The following NKTR variants were observed in gnomAD, a reference collection of about 807,000 sequenced individuals.
NKTR encodes the protein NK-tumor recognition protein.
In NKTR, 67 loss-of-function variants were observed where a neutral mutation model predicts 156.3. That is an observed-to-expected ratio of 0.43 (90% CI 0.35 to 0.53). The LOEUF (loss-of-function observed/expected upper bound fraction) is 0.53. NKTR is among the 20% of genes least tolerant of loss of function. NKTR has a pLI of 0.01. For missense variants in NKTR, 1,604 were observed against 1,730.9 expected (o/e 0.93, Z 1.30); for synonymous variants, 640 against 596.6 (o/e 1.07, Z -1.06).
chr3:42,612,230 A>G (rs3774406), intron 2 of NKTR: 1 of 152,084 alleles, frequency 6.6e-6, no homozygotes, highest in Non-Finnish European at 1.5e-5. Context: ...GAATTTATCA[A>G]TATTTGCTTG....
chr3:42,609,126 A>G (rs1706525441), intron 2 of NKTR, among the ~76,000 whole-genome samples: 1 of 141,040 alleles, frequency 7.1e-6, no homozygotes, highest in Admixed American at 6.8e-5. Context: ...AGACTCATAT[A>G]TCAAAAAAAA....
intron 2 of NKTR, among the ~76,000 whole-genome samples, chr3:42,607,969 CTTTTT>C (rs201803926): frequency 6.7e-5 from 5 of 74,966 alleles, no homozygotes; most frequent in South Asian, 4.7e-4. Context: ...CTGAGTCGCT[CTTTTT>C]TTTTTTTTTT....
At chr3:42,601,151 CT>C in intron 2 of NKTR, 87 bp downstream of exon 2, 10 of 1,161,012 alleles carry the variant, frequency 8.6e-6, no homozygotes, top group Admixed American at 3.0e-5. Context: ...CTCCCCCGGC[CT>C]TTTTGGGAGC....
intron 5 of NKTR, 58 bp downstream of exon 5, chr3:42,619,766 T>A: frequency 6.3e-7 from 1 of 1,596,022 alleles, no homozygotes; most frequent in Non-Finnish European, 8.5e-7. Flanking sequence ...GCAAGTTTGA[T>A]CATATACTTT....
At chr3:42,630,795 A>G in intron 7 of NKTR, 4 of 1,355,688 alleles carry the variant, frequency 3.0e-6, no homozygotes, top group Non-Finnish European at 3.8e-6. Flanking sequence ...GCTTCTCAGC[A>G]ATATAATTCT....
chr3:42,639,215 C>T lies in NKTR; in HGVS notation c.3511C>T (p.Pro1171Ser), dbSNP rs776805755. 5 of 1,614,020 alleles carry T rather than the reference C, an allele frequency of 3.1e-6. No homozygotes were observed. The highest frequency in any genetic ancestry group is 2.7e-5 in the African/African-American group (2 of 74,902). The change falls in exon 13 of 17, where the codon CCT becomes TCT. Residue 1171 changes from proline (P) to serine (S), a missense_variant. Around this residue, in one of 6 missense-constraint regions of NKTR, gnomAD observed 1,255 missense variants for 1,243.7 expected, o/e 1.01. Coordinates refer to ENST00000232978, the MANE Select transcript of NKTR (RefSeq NM_005385.4). ...GAAGCAGGATATGGCAACGGAACATCCTCAAGCAGAGGTAGTAAAACAGGA... is the reference window on the plus strand; with the variant it reads ...GAAGCAGGATATGGCAACGGAACATTCTCAAGCAGAGGTAGTAAAACAGGA... ...VLKQDMATEHPQAEVVKQESS... is the reference protein window; with the variant it reads ...VLKQDMATEHSQAEVVKQESS...
intron 2 of NKTR, among the ~76,000 whole-genome samples, chr3:42,610,419 G>A (rs760507255): frequency 5.4e-4 from 82 of 152,162 alleles, no homozygotes; most frequent in Non-Finnish European, 9.3e-4. Flanking sequence ...CACCATTAAC[G>A]ATAATGCTGA....
At chr3:42,632,372 A>G (rs111568591) in intron 8 of NKTR, among the ~76,000 whole-genome samples, 20 of 152,154 alleles carry the variant, frequency 1.3e-4, no homozygotes, top group Admixed American at 2.6e-4. Context: ...CACCGGGCCT[A>G]TTTCTTGTTA....
chr3:42,600,950 CT>C (rs1705351109), intron 1 of NKTR, 33 bp from the exon 2 acceptor site: 17 of 1,438,380 alleles, frequency 1.2e-5, no homozygotes, highest in Non-Finnish European at 1.6e-5. Context: ...GCCCTCGCCC[CT>C]GCCCTGACCG....
chr3:42,642,059 T>C (rs6795296), intron 13 of NKTR, among the ~76,000 whole-genome samples: 26,229 of 152,130 alleles, frequency 0.17, 2,733 homozygotes, highest in African/African-American at 0.29. Context: ...TAAAATACTT[T>C]TATATATATA....
At chr3:42,611,732 CAAA>C (rs67202574) in intron 2 of NKTR, among the ~76,000 whole-genome samples, 6 of 108,604 alleles carry the variant, frequency 5.5e-5, no homozygotes, top group Admixed American at 9.8e-5. Context: ...GACTCTGTCT[CAAA>C]AAAAAAAAAA....
chr3:42,619,090 T>G lies in NKTR; in HGVS notation c.204T>G (p.Val68=), dbSNP rs1707680501. 1 of 1,611,216 alleles carries G rather than the reference T, an allele frequency of 6.2e-7. No individual in the cohort carries two copies. The highest frequency in any genetic ancestry group is 8.5e-7 in the Non-Finnish European group (1 of 1,178,796). The change falls in exon 4 of 17, where the codon GTT becomes GTG. Residue 68 remains valine, a synonymous_variant. Transcript: ENST00000232978. ...CYKGSTFHRV[V]KNFMIQGGDF... is the part of the protein sequence containing the mutation. ...AAGGTTCTACGTTCCATCGTGTGGT[T>G]AAAAACTTTATGATTCAGGGTGGGG... is the stretch of plus-strand genomic sequence containing the variant.
At position 42,647,304 on chromosome 3, in the gene NKTR, T is replaced by TGTGTGG. The variant is rs1710416643; in HGVS notation, c.*1329_*1330insGTGTGG. 8.2e-5 allele frequency: 3 copies of TGTGTGG among 36,396 alleles called. No individual in the cohort carries two copies. The highest frequency in any genetic ancestry group is 4.7e-4 in the Admixed American group (2 of 4,264). The allele number at this position is 36,396 out of a possible 1,614,324, so 2.3% of individuals were successfully genotyped here. ...TGTGTGTGTGTGTGTGTGTGTGTGG[T>TGTGTGG]TTTTTTTTTTAATCTTTACTTTGAA... On this transcript the variant is annotated 3_prime_UTR_variant, in exon 17 of 17. Transcript: ENST00000232978.
intron 6 of NKTR, chr3:42,629,160 G>C: frequency 1.0e-6 from 1 of 984,666 alleles, no homozygotes; most frequent in Non-Finnish European, 1.2e-6. Flanking sequence ...GTGGTTTCTG[G>C]ATGCTAGTTT....
chr3:42,615,379 G>A (rs11924450), intron 2 of NKTR, among the ~76,000 whole-genome samples: 4,965 of 150,918 alleles, frequency 0.033, 125 homozygotes, highest in Admixed American at 0.047. Flanking sequence ...ATGCCTGGCC[G>A]AGATTTTTTT....
intron 2 of NKTR, among the ~76,000 whole-genome samples, chr3:42,612,630 T>C (rs543249485): frequency 2.6e-5 from 4 of 152,334 alleles, no homozygotes; most frequent in Non-Finnish European, 4.4e-5. Flanking sequence ...TTTTGACTTA[T>C]ATCTCAGGGA....
chr3:42,637,996 A>G lies in NKTR; in HGVS notation c.2292A>G (p.Lys764=), dbSNP rs749094195. ...RAKRRLRSSG[K]KNSVSHKKHS... is the part of the protein sequence containing the mutation. ...AGAGGAGACTTAGATCCAGTGGGAA[A>G]AAAAATAGCGTTTCACATAAAAAGC... Residue 764 remains lysine (K), a synonymous_variant, in exon 13 of 17, where the codon AAA becomes AAG. Transcript: ENST00000232978. The G allele has an allele frequency of 3.1e-6, 5 of 1,614,024 alleles. No individual in the cohort carries two copies. The South Asian group carries it at 3.3e-5, about 11-fold the overall frequency.
intron 5 of NKTR, chr3:42,620,357 C>G: frequency 9.1e-7 from 1 of 1,094,372 alleles, no homozygotes; most frequent in South Asian, 4.0e-5. Flanking sequence ...AGAACTATGA[C>G]TGTGTTTATT....
intron 6 of NKTR, chr3:42,628,725 G>C: frequency 1.0e-6 from 1 of 981,732 alleles, no homozygotes; most frequent in Non-Finnish European, 1.2e-6. Context: ...CTTTTGGCTG[G>C]GTGTGGTGGC....
Sources: allele counts gnomAD v4.1 joint callset (sites outside exome capture counted in the v4.1 genomes callset), GRCh38; gene constraint gnomAD v4.1.1; regional missense constraint gnomAD v4.1.1; transcripts MANE v1.5; gene names NCBI Gene and HGNC (gene_info 2026-07-23, HGNC 2026-07-21).